SLC15A4: variants seen among roughly 807,000 people sequenced by gnomAD.
SLC15A4 encodes the protein hPHT1.
In SLC15A4, 26 loss-of-function variants were observed where a neutral mutation model predicts 46.1. That is an observed-to-expected ratio of 0.56 (90% CI 0.41 to 0.78). SLC15A4 has a LOEUF of 0.78. SLC15A4 is among the 30% of genes least tolerant of loss of function. The probability of loss-of-function intolerance (pLI) is 0.00; values close to 1 mark genes in which losing one functional copy is unlikely to be tolerated. For synonymous variants in SLC15A4, 370 were observed against 333.4 expected, an observed-to-expected ratio of 1.11 and a Z score of -1.20; for missense variants, 751 against 755.7, an observed-to-expected ratio of 0.99 and a Z score of 0.07.
intron 2 of SLC15A4, chr12:128,813,054 G>C (rs1343213959): frequency 1.3e-5 from 2 of 152,096 alleles, no homozygotes; most frequent in African/African-American, 4.8e-5. Context: ...AATGTCTATG[G>C]GCTACCACCC....
chr12:128,811,143 G>A (rs571044927), intron 2 of SLC15A4, among the ~76,000 whole-genome samples: 2 of 152,308 alleles, frequency 1.3e-5, no homozygotes, highest in African/African-American at 2.4e-5. Context: ...AATGGGGAAC[G>A]GGCTCCAAGG....
chr12:128,812,036 G>A (rs557818698), intron 2 of SLC15A4, among the ~76,000 whole-genome samples: 1 of 152,300 alleles, frequency 6.6e-6, no homozygotes, highest in South Asian at 2.1e-4. Context: ...TGTGAAGGCC[G>A]CATGTAGGTG....
At chr12:128,794,998 C>T (rs1470530988) in intron 7 of SLC15A4, among the ~76,000 whole-genome samples, 1 of 152,140 alleles carries the variant, frequency 6.6e-6, no homozygotes, top group Admixed American at 6.5e-5. Context: ...TATGATTGGC[C>T]TGGAACTGCA....
intron 5 of SLC15A4, among the ~76,000 whole-genome samples, chr12:128,804,962 C>T (rs537231175): frequency 8.5e-5 from 13 of 152,326 alleles, no homozygotes; most frequent in East Asian, 3.9e-4. Context: ...TAGACACAGA[C>T]GCACACGTGC....
chr12:128,815,066 TTAACCTAAAA>T lies in SLC15A4; in HGVS notation c.547-6_550del, dbSNP rs753096233. On this transcript the variant is annotated splice_acceptor_variant and splice_polypyrimidine_tract_variant and coding_sequence_variant and intron_variant, in exon 2 of 8. Coordinates refer to ENST00000266771, the MANE Select transcript of SLC15A4 (RefSeq NM_145648.4). LOFTEE classifies it high-confidence loss of function. ...CCTAGTGGCTTCCGGACCTCGATCT[TTAACCTAAAA>T]TAACAGGGAGGAAAGACACTTGAAA... The T allele has an allele frequency of 2.5e-6, 4 of 1,605,572 alleles. No homozygotes were observed.
rs1007045476 is a variant in SLC15A4, at chr12:128,809,217, T to C, written c.1089+179A>G. The C allele has an allele frequency of 8.5e-6, 5 of 586,492 alleles. No homozygotes were observed. The African/African-American group carries it at 9.4e-5, about 11-fold the overall frequency. 36.3% of individuals were successfully genotyped at this position (586,492 alleles called of 1,614,324 possible). On this transcript the variant is annotated intron_variant, in intron 4 of 7. Transcript: ENST00000266771. ...TGAATTGATGTTAGTCAACCTAATCTAGCAAATGATACAACCAATGAAAAA... is the reference window on the plus strand; with the variant it reads ...TGAATTGATGTTAGTCAACCTAATCCAGCAAATGATACAACCAATGAAAAA...
chr12:128,816,807 C>T (rs935811891), intron 1 of SLC15A4, among the ~76,000 whole-genome samples: 6 of 151,866 alleles, frequency 4.0e-5, no homozygotes, highest in African/African-American at 1.5e-4. Flanking sequence ...CCTGCCTAAG[C>T]GACAGAGGCC....
At chr12:128,812,008 C>T (rs139323220) in intron 2 of SLC15A4, among the ~76,000 whole-genome samples, 122 of 152,282 alleles carry the variant, frequency 8.0e-4, no homozygotes, top group Admixed American at 2.2e-3. Flanking sequence ...AGTTTCAGGA[C>T]GCCTGTGCCT....
At chr12:128,820,315 G>C (rs11059934) in intron 1 of SLC15A4, among the ~76,000 whole-genome samples, 36,350 of 152,160 alleles carry the variant, frequency 0.24, 4,632 homozygotes, top group South Asian at 0.39. Flanking sequence ...CCTACAGGCA[G>C]TAAGAAAGTG....
Position 128,800,915 on chromosome 12 carries a change from C to T in SLC15A4, c.1353G>A (p.Leu451=), listed in dbSNP as rs35243999. The T allele has an allele frequency of 8.1e-6, 13 of 1,614,084 alleles. No homozygotes were observed. In the African/African-American group the frequency reaches 1.6e-4, roughly 20 times the overall value. The stretch of plus-strand genomic sequence containing the variant: ...GCAAGTACTGCGGCACCTGCCACCA[C>T]AGCGACAGATCGGCAGCATGGTAGA... The part of the protein sequence containing the change: ...NVVYHAADLS[L]WWQVPQYLLI... Residue 451 remains leucine (L), a synonymous_variant, in exon 6 of 8, where the codon CTG becomes CTA. Coordinates refer to ENST00000266771, the MANE Select transcript of SLC15A4 (RefSeq NM_145648.4).
At chr12:128,805,689 G>A (rs759646150) in intron 5 of SLC15A4, among the ~76,000 whole-genome samples, 5 of 152,048 alleles carry the variant, frequency 3.3e-5, no homozygotes, top group East Asian at 1.9e-4. Flanking sequence ...GCGCCACCAC[G>A]CATGGCTAAT....
chr12:128,808,954 G>C lies in SLC15A4; in HGVS notation c.1092C>G (p.Leu364=), dbSNP rs1377010509. 6.2e-7 allele frequency: 1 copy of C among 1,612,578 alleles called. No individual in the cohort carries two copies. The highest frequency in any genetic ancestry group is 2.2e-5 in the East Asian group (1 of 44,880). The change falls in exon 5 of 8, where the codon CTC becomes CTG. Residue 364 remains leucine, a splice_region_variant and synonymous_variant. Coordinates refer to ENST00000266771, the MANE Select transcript of SLC15A4 (RefSeq NM_145648.4). Reference sequence around the variant, plus strand: ...CAAACATGGTCAGCCAGGCTGCAGGGAGCTGGGGTGAAACACAGGAGGAGG... The same window carrying C: ...CAAACATGGTCAGCCAGGCTGCAGGCAGCTGGGGTGAAACACAGGAGGAGG... ...ISNITTTPHT[L]PAAWLTMFDA... is the part of the protein sequence containing the mutation.
intron 5 of SLC15A4, 46 bp downstream of exon 5, chr12:128,808,742 C>T (rs200674459): frequency 6.3e-7 from 1 of 1,596,522 alleles, no homozygotes; most frequent in Non-Finnish European, 8.5e-7. Context: ...GAATCCACAA[C>T]TGCTGCAGTC....
chr12:128,795,850 T>C (rs904754056), intron 7 of SLC15A4, among the ~76,000 whole-genome samples: 1 of 152,200 alleles, frequency 6.6e-6, no homozygotes, highest in Non-Finnish European at 1.5e-5. Context: ...CTCCGTACCA[T>C]GTACATCACC....
chr12:128,798,486 A>C (rs1213870896), intron 7 of SLC15A4, among the ~76,000 whole-genome samples: 1 of 152,222 alleles, frequency 6.6e-6, no homozygotes, highest in Non-Finnish European at 1.5e-5. Flanking sequence ...TTTCTGCAGA[A>C]AAGTCCCTAA....
In SLC15A4 at chr12:128,814,995, G is replaced by A. The variant is rs766939078; in HGVS notation, c.622C>T (p.Leu208=). The stretch of plus-strand genomic sequence containing the variant: ...ATATAGGCAATGCCACCTAACGACA[G>A]GATCGCTCCCAGGTTAATGCTCCAA... ...FYWSINLGAI[L]SLGGIAYIQQ... Residue 208 remains leucine (L), a synonymous_variant, in exon 2 of 8, where the codon CTG becomes TTG. Transcript: ENST00000266771. The A allele has an allele frequency of 2.5e-6, 4 of 1,613,968 alleles. No homozygotes were observed. The African/African-American group carries it at 5.3e-5, about 22-fold the overall frequency.
intron 3 of SLC15A4, 90 bp from the exon 4 acceptor site, chr12:128,809,563 A>G (rs1418868224): frequency 1.2e-5 from 9 of 763,128 alleles, no homozygotes; most frequent in Non-Finnish European, 1.7e-5. Flanking sequence ...CTAGACTCAG[A>G]TGCGACACAC....
At chr12:128,794,449 T>A in intron 7 of SLC15A4, 93 bp from the exon 8 acceptor site, 3 of 1,225,960 alleles carry the variant, frequency 2.4e-6, no homozygotes, top group South Asian at 1.6e-5. Flanking sequence ...CACTAAGGTT[T>A]AACTGGAGTC....
chr12:128,810,957 C>T (rs1184430305), intron 2 of SLC15A4, among the ~76,000 whole-genome samples: 1 of 152,230 alleles, frequency 6.6e-6, no homozygotes, highest in Non-Finnish European at 1.5e-5. Flanking sequence ...ACCACTGTCC[C>T]TCCACTCCCT....
Sources: gnomAD v4.1 joint callset for allele counts (sites outside exome capture counted in the v4.1 genomes callset) on GRCh38, gnomAD v4.1.1 for gene constraint, MANE v1.5 for transcripts, NCBI Gene and HGNC (gene_info 2026-07-23, HGNC 2026-07-21) for gene names.